Variants in MYO5A observed in about 807,000 individuals in gnomAD.
The protein encoded by MYO5A is unconventional myosin-Va.
A neutral mutation model predicts 249.7 loss-of-function variants in MYO5A; 98 were observed. That is an observed-to-expected ratio of 0.39 (90% confidence interval 0.33 to 0.46). The LOEUF (loss-of-function observed/expected upper bound fraction) is 0.46. Ranked by LOEUF, MYO5A falls within the 20% of genes least tolerant of loss-of-function variation. The pLI, the probability that MYO5A is intolerant of heterozygous loss-of-function variation, is 0.98. For missense variants in MYO5A, 1,696 were observed against 2,308.8 expected (o/e 0.73, Z 5.44); for synonymous variants, 778 against 810.6 (o/e 0.96, Z 0.68).
chr15:52,400,901 T>C (rs1267925245), intron 9 of MYO5A, among the ~76,000 whole-genome samples: 1 of 152,220 alleles, frequency 6.6e-6, no homozygotes, highest in Non-Finnish European at 1.5e-5. Flanking sequence ...ATTATTATTC[T>C]AATTAATCAA....
chr15:52,448,962 T>C (rs1478168925), intron 1 of MYO5A, among the ~76,000 whole-genome samples: 3 of 90,086 alleles, frequency 3.3e-5, no homozygotes, highest in African/African-American at 1.2e-4. Context: ...TCTTTCTTTT[T>C]TTTTTTTTTT....
chr15:52,326,515 C>G (rs2038612703), intron 36 of MYO5A, among the ~76,000 whole-genome samples: 1 of 152,038 alleles, frequency 6.6e-6, no homozygotes, highest in African/African-American at 2.4e-5. Flanking sequence ...AACAGAGAAC[C>G]AGCATTTATC....
chr15:52,328,014 A>C lies in MYO5A; in HGVS notation c.4556-8T>G, dbSNP rs1375241828. ...CACCACGTGGCTTCAGTTCTAAAAA[A>C]GAAAAAATAATAATTTTATATAACA... is the stretch of plus-strand genomic sequence containing the variant. On this transcript the variant is annotated splice_region_variant and splice_polypyrimidine_tract_variant and intron_variant, in intron 35 of 41. Coordinates refer to ENST00000399233, the MANE Select transcript of MYO5A (RefSeq NM_001382347.1). 5 of 1,607,752 alleles carry C rather than the reference A, an allele frequency of 3.1e-6. No homozygotes were observed. Among genetic ancestry groups the C allele is most frequent in the Admixed American group, 1.7e-5 (1 of 59,982 alleles).
At position 52,397,211 on chromosome 15, in the gene MYO5A, C is replaced by A; in HGVS notation, c.1309G>T (p.Asp437Tyr). The change falls in exon 10 of 42, where the codon GAC becomes TAC. Residue 437 changes from aspartate to tyrosine, a missense_variant. Asp to Tyr is a radical substitution (Grantham distance 160). Around this residue, in one of 5 missense-constraint regions of MYO5A, gnomAD observed 277 missense variants for 422.4 expected, o/e 0.66. Transcript: ENST00000399233. The part of the protein sequence containing the change: ...VKQHSFIGVL[D>Y]IYGFETFEIN... ...GCCAAATATACTCACCCGTAAATGT[C>A]TAGCACACCAATAAAAGAGTGCTGT... is the stretch of plus-strand genomic sequence containing the variant. The A allele has an allele frequency of 6.2e-7, 1 of 1,614,052 alleles. No homozygotes were observed. The highest frequency in any genetic ancestry group is 1.1e-5 in the South Asian group (1 of 91,064).
chr15:52,329,774 T>C (rs1439781937), intron 35 of MYO5A, among the ~76,000 whole-genome samples: 1 of 152,124 alleles, frequency 6.6e-6, no homozygotes, highest in Admixed American at 6.6e-5. Context: ...ACTCTTGCTG[T>C]GTAGCCCAGG....
At chr15:52,436,931 C>T (rs546425632) in intron 1 of MYO5A, among the ~76,000 whole-genome samples, 2 of 152,096 alleles carry the variant, frequency 1.3e-5, no homozygotes. Flanking sequence ...TTATTTCAGG[C>T]AACAATAAAA....
At chr15:52,466,227 C>A (rs2076349470) in intron 1 of MYO5A, among the ~76,000 whole-genome samples, 1 of 152,144 alleles carries the variant, frequency 6.6e-6, no homozygotes, top group Non-Finnish European at 1.5e-5. Flanking sequence ...CTAGCCACAG[C>A]AGCAGCAGTC....
chr15:52,508,699 C>T (rs1178905048), intron 1 of MYO5A, among the ~76,000 whole-genome samples: 1 of 152,190 alleles, frequency 6.6e-6, no homozygotes, highest in African/African-American at 2.4e-5. Flanking sequence ...TAATTATACC[C>T]AAATCTCTAG....
chr15:52,528,789 G>T lies in MYO5A; in HGVS notation c.18C>A (p.Leu6=). The T allele has an allele frequency of 2.0e-6, 3 of 1,499,924 alleles. No homozygotes were observed. The highest frequency in any genetic ancestry group is 2.8e-5 in the East Asian group (1 of 36,028). The allele number at this position is 1,499,924 out of a possible 1,614,324, so 92.9% of individuals were successfully genotyped here. A position where few individuals can be genotyped will look rare whatever the true frequency, so the allele number is the denominator to read the frequency against. The change falls in exon 1 of 42, where the codon CTC becomes CTA. Residue 6 remains leucine (L), a synonymous_variant. Coordinates refer to ENST00000399233, the MANE Select transcript of MYO5A (RefSeq NM_001382347.1). ...CCGCGGGGTGCCTTACCTTTGTGTA[G>T]AGCTCCGACGCAGCCATGGCGGGCC... is the stretch of plus-strand genomic sequence containing the variant. MAASE[L]YTKFARVWIP...
rs527827304 is a variant in MYO5A at position 52,374,096 on chromosome 15, T to C, written c.2577+1208A>G. Among the ~76,000 whole-genome samples, 10 of 152,308 alleles carry C rather than the reference T, an allele frequency of 6.6e-5. No homozygotes were observed. The East Asian group carries it at 1.9e-3, about 29-fold the overall frequency. ...GAGCTCTAATATCCAGGCTTGTATT[T>C]CTCACTGATTTGAAATATAGCCTGT... On this transcript the variant is annotated intron_variant, in intron 20 of 41. Coordinates refer to ENST00000399233, the MANE Select transcript of MYO5A (RefSeq NM_001382347.1).
At chr15:52,505,707 A>C in intron 1 of MYO5A, 1 of 1,340,534 alleles carries the variant, frequency 7.5e-7, no homozygotes, top group South Asian at 1.2e-5. Flanking sequence ...TCTGGGACTC[A>C]TCTAAACTAG....
At position 52,487,472 on chromosome 15, in the gene MYO5A, G is replaced by A. The variant is rs144854930; in HGVS notation, c.27+41308C>T. Among the ~76,000 whole-genome samples the A allele has an allele frequency of 4.3e-4, 66 of 151,736 alleles. 4 individuals carry two copies. In the East Asian group the frequency reaches 0.012, roughly 28 times the overall value. On this transcript the variant is annotated intron_variant, in intron 1 of 41. Coordinates refer to ENST00000399233, the MANE Select transcript of MYO5A (RefSeq NM_001382347.1). ...GGTATGGTGGCTCACAACTATAATCGCAACACTTTGGGAGGCCGAGGCAAG... is the reference window on the plus strand; with the variant it reads ...GGTATGGTGGCTCACAACTATAATCACAACACTTTGGGAGGCCGAGGCAAG...
At chr15:52,424,251 T>C (rs1351184469) in intron 4 of MYO5A, among the ~76,000 whole-genome samples, 2 of 152,232 alleles carry the variant, frequency 1.3e-5, no homozygotes, top group South Asian at 2.1e-4. Context: ...TGGCATAATA[T>C]GACATGCTTT....
intron 1 of MYO5A, among the ~76,000 whole-genome samples, chr15:52,452,773 G>T (rs145798477): frequency 1.3e-5 from 2 of 151,472 alleles, no homozygotes; most frequent in Non-Finnish European, 2.9e-5. Flanking sequence ...ACTTGTACCC[G>T]GGAGGCATAA....
In MYO5A at chr15:52,308,237, A is replaced by AT. The variant is rs1406923556; in HGVS notation, c.*5458_*5459insA. On this transcript the variant is annotated 3_prime_UTR_variant, in exon 42 of 42. Coordinates refer to ENST00000399233, the MANE Select transcript of MYO5A (RefSeq NM_001382347.1). ...TTAGATAGACCAAATTACAAATAAA[A>AT]AAAGTATAAAAAGCATTTTGGAAGA... is the stretch of plus-strand genomic sequence containing the variant. 1 of 152,238 alleles carries AT rather than the reference A, an allele frequency of 6.6e-6. No homozygotes were observed. The highest frequency in any genetic ancestry group is 6.5e-5 in the Admixed American group (1 of 15,282). 9.4% of individuals were successfully genotyped at this position (152,238 alleles called of 1,614,324 possible). A position where few individuals can be genotyped will look rare whatever the true frequency, so the allele number is the denominator to read the frequency against.
intron 35 of MYO5A, chr15:52,329,024 C>T (rs1185188316): frequency 6.6e-6 from 1 of 152,156 alleles, no homozygotes; most frequent in African/African-American, 2.4e-5. Context: ...ATTCTTTTTA[C>T]TCCATCATAT....
At chr15:52,474,571 C>T (rs1477923518) in intron 1 of MYO5A, among the ~76,000 whole-genome samples, 1 of 152,084 alleles carries the variant, frequency 6.6e-6, no homozygotes, top group Admixed American at 6.6e-5. Flanking sequence ...CCATCAATAC[C>T]TAATTTATTG....
intron 24 of MYO5A, among the ~76,000 whole-genome samples, chr15:52,362,433 G>A (rs1298465268): frequency 1.3e-5 from 2 of 152,160 alleles, no homozygotes; most frequent in Non-Finnish European, 2.9e-5. Context: ...TATTTTAATT[G>A]TCATGGGTTA....
chr15:52,431,399 AACAC>A (rs2075533027), intron 2 of MYO5A, among the ~76,000 whole-genome samples: 1 of 151,780 alleles, frequency 6.6e-6, no homozygotes, highest in Admixed American at 6.6e-5. Context: ...CATACATACA[AACAC>A]ATACATACAT....
Sources: gnomAD v4.1 joint callset for allele counts (sites outside exome capture counted in the v4.1 genomes callset) on GRCh38, gnomAD v4.1.1 for gene constraint, gnomAD v4.1.1 regional missense constraint, MANE v1.5 for transcripts, NCBI Gene and HGNC (gene_info 2026-07-23, HGNC 2026-07-21) for gene names.